Variants in ZNF723 observed in about 807,000 individuals in gnomAD.
ZNF723 encodes zinc finger protein 723, pseudogene.
A neutral mutation model predicts 9.4 loss-of-function variants in ZNF723; 5 were observed. The observed-to-expected ratio is 0.53, with a 90% CI of 0.28 to 1.12. The LOEUF (loss-of-function observed/expected upper bound fraction) is 1.12, where lower values mean the gene tolerates loss of function less well. Ranked by LOEUF, ZNF723 falls within the 50% of genes most tolerant of loss-of-function variation. The pLI is 0.10. For missense variants in ZNF723, 450 were observed against 501.5 expected (o/e 0.90, Z 0.98); for synonymous variants, 158 against 168.8 (o/e 0.94, Z 0.49).
In ZNF723 at chr19:22,855,387, CAT is replaced by C. The variant is rs1599481460; in HGVS notation, c.227-1730_227-1729del. On this transcript the variant is annotated intron_variant, in intron 3 of 3. Transcript: ENST00000600766. ...GGGATTATAGACACACACCACCACACATGTCTAATTTTTGTATTTTTAGTGGA... is the reference window on the plus strand; with the variant it reads ...GGGATTATAGACACACACCACCACACGTCTAATTTTTGTATTTTTAGTGGA... 5.3e-5 allele frequency among the ~76,000 whole-genome samples: 8 copies of C among 152,114 alleles called. No homozygotes were observed. The South Asian group carries it at 1.2e-3, about 24-fold the overall frequency.
At chr19:22,849,461 T>C (rs954797019) in intron 3 of ZNF723, among the ~76,000 whole-genome samples, 168 bp downstream of exon 3, 3 of 152,204 alleles carry the variant, frequency 2.0e-5, no homozygotes, top group Non-Finnish European at 2.9e-5. Context: ...TCTTCTGCAT[T>C]GTGCTATTAA....
intron 3 of ZNF723, among the ~76,000 whole-genome samples, chr19:22,853,475 T>C (rs1967426559): frequency 6.6e-6 from 1 of 152,164 alleles, no homozygotes; most frequent in Admixed American, 6.5e-5. Context: ...TGCTGTTTAA[T>C]TTTTATATAT....
At chr19:22,849,691 C>T (rs1967366094) in intron 3 of ZNF723, among the ~76,000 whole-genome samples, 1 of 152,060 alleles carries the variant, frequency 6.6e-6, no homozygotes, top group Non-Finnish European at 1.5e-5. Flanking sequence ...GGTGGATCAC[C>T]TGAGGTCAGG....
chr19:22,829,275 A>G (rs919336785), upstream of ZNF723, among the ~76,000 whole-genome samples: 1 of 145,620 alleles, frequency 6.9e-6, no homozygotes, highest in African/African-American at 2.6e-5. Context: ...AGGATTTGAC[A>G]CTACGTAAGT....
At chr19:22,852,004 G>T (rs994492456) in intron 3 of ZNF723, among the ~76,000 whole-genome samples, 1 of 152,050 alleles carries the variant, frequency 6.6e-6, no homozygotes, top group African/African-American at 2.4e-5. Context: ...GGTCAGACTG[G>T]TCTCAAACTC....
the ZNF723 span, among the ~76,000 whole-genome samples, chr19:22,827,149 A>G: frequency 1.3e-5 from 2 of 152,232 alleles, no homozygotes; most frequent in African/African-American, 4.8e-5. Flanking sequence ...GGCTGTGGTT[A>G]CACAATAGGT....
In ZNF723 at chr19:22,857,897, A is replaced by G. The variant is rs1967504953; in HGVS notation, c.1006A>G (p.Thr336Ala). The change falls in exon 4 of 4, where the codon ACT (threonine) becomes GCT (alanine). Residue 336 changes from threonine (T) to alanine (A), a missense_variant. By Grantham distance (58) the Thr-to-Ala change is moderately conservative (BLOSUM62 0). Transcript: ENST00000600766. ...SHLATHKRIH[T>A]GEKLYKCEEC... Reference sequence around the variant, plus strand: ...CCTTGCTACACATAAGAGAATTCATACTGGAGAGAAACTCTACAAATGTGA... The same window carrying G: ...CCTTGCTACACATAAGAGAATTCATGCTGGAGAGAAACTCTACAAATGTGA... The G allele has an allele frequency of 7.0e-7, 1 of 1,431,166 alleles. No individual in the cohort carries two copies. The highest frequency in any genetic ancestry group is 1.4e-5 in the African/African-American group (1 of 71,354). The allele number at this position is 1,431,166 out of a possible 1,614,324, so 88.7% of individuals were successfully genotyped here. A position where few individuals can be genotyped will look rare whatever the true frequency, so the allele number is the denominator to read the frequency against.
chr19:22,824,738 G>A, the ZNF723 span, among the ~76,000 whole-genome samples: 1 of 152,082 alleles, frequency 6.6e-6, no homozygotes, highest in African/African-American at 2.4e-5. Flanking sequence ...TACAGTTAAG[G>A]TCCCAAATCT....
the ZNF723 span, among the ~76,000 whole-genome samples, chr19:22,823,356 C>G: frequency 1.3e-5 from 2 of 152,244 alleles, no homozygotes; most frequent in South Asian, 4.2e-4. Context: ...CTCAAAGGAG[C>G]TGAAAGTTAG....
chr19:22,819,071 G>A, the ZNF723 span, among the ~76,000 whole-genome samples: 1 of 152,202 alleles, frequency 6.6e-6, no homozygotes, highest in East Asian at 1.9e-4. Flanking sequence ...TCTAGGTCCT[G>A]CCTGTAGGGG....
At chr19:22,835,290 C>T (rs958525313) in intron 1 of ZNF723, among the ~76,000 whole-genome samples, 2 of 151,952 alleles carry the variant, frequency 1.3e-5, no homozygotes, top group African/African-American at 4.8e-5. Context: ...AATCCACCCG[C>T]TTCAGCCTCC....
intron 1 of ZNF723, among the ~76,000 whole-genome samples, chr19:22,837,774 A>G (rs1293201417): frequency 6.6e-6 from 1 of 152,122 alleles, no homozygotes; most frequent in African/African-American, 2.4e-5. Context: ...ACTAGGCACC[A>G]CCCTCAAAAA....
the ZNF723 span, among the ~76,000 whole-genome samples, chr19:22,821,171 C>A: frequency 1.3e-5 from 2 of 152,174 alleles, no homozygotes; most frequent in African/African-American, 4.8e-5. Context: ...GACTTTCATA[C>A]CTGGAGCCAG....
upstream of ZNF723, among the ~76,000 whole-genome samples, chr19:22,830,524 T>TA (rs10713413): frequency 7.2e-4 from 107 of 148,422 alleles, no homozygotes; most frequent in South Asian, 1.9e-3. Context: ...GGCACAAATC[T>TA]AAAAAAAAAA....
At chr19:22,820,980 C>G in the ZNF723 span, among the ~76,000 whole-genome samples, 1 of 152,196 alleles carries the variant, frequency 6.6e-6, no homozygotes, top group Admixed American at 6.5e-5. Context: ...TTGTGACTCT[C>G]ATACATGGAT....
chr19:22,814,052 T>G, the ZNF723 span, among the ~76,000 whole-genome samples: 1 of 152,040 alleles, frequency 6.6e-6, no homozygotes, highest in Admixed American at 6.6e-5. Context: ...GATCTTATGA[T>G]CCGCCCACCT....
At chr19:22,826,791 CT>C in the ZNF723 span, among the ~76,000 whole-genome samples, 5 of 152,126 alleles carry the variant, frequency 3.3e-5, no homozygotes, top group African/African-American at 1.2e-4. Context: ...AAAAAGGTAT[CT>C]CTTTATGGGG....
At chr19:22,856,675 T>C (rs35735434) in intron 3 of ZNF723, among the ~76,000 whole-genome samples, 30,767 of 152,174 alleles carry the variant, frequency 0.2, 3,637 homozygotes, top group African/African-American at 0.32. Context: ...TCAAAGTATA[T>C]GACCAGTTAT....
intron 1 of ZNF723, among the ~76,000 whole-genome samples, chr19:22,843,388 T>G (rs1967271984): frequency 6.6e-6 from 1 of 152,190 alleles, no homozygotes; most frequent in African/African-American, 2.4e-5. Context: ...CTTCTTGTGT[T>G]TGCTCCTCCC....
Sources: allele counts gnomAD v4.1 joint callset (sites outside exome capture counted in the v4.1 genomes callset), GRCh38; gene constraint gnomAD v4.1.1; transcripts MANE v1.5; gene names NCBI Gene and HGNC (gene_info 2026-07-23, HGNC 2026-07-21).